The following CTNNA3 variants were observed in gnomAD, a reference collection of about 807,000 sequenced individuals.
The protein encoded by CTNNA3 is catenin alpha 3.
Under a neutral mutation model 95.7 loss-of-function variants are expected in CTNNA3, and 76 were observed. That is an observed-to-expected ratio of 0.79 (90% CI 0.66 to 0.96). The LOEUF is 0.96. Among genes scored for constraint, CTNNA3 ranks in the 40% least tolerant of loss-of-function variants. CTNNA3 has a pLI of 0.00. For missense variants in CTNNA3, 1,191 were observed against 1,089.8 expected (o/e 1.09, Z -1.31); for synonymous variants, 431 against 374.4 (o/e 1.15, Z -1.74).
intron 3 of CTNNA3, among the ~76,000 whole-genome samples, chr10:67,590,559 T>C (rs1413867973): frequency 6.6e-6 from 1 of 152,150 alleles, no homozygotes; most frequent in African/African-American, 2.4e-5. Context: ...CTTTCTAACA[T>C]ATGGTATTGT....
chr10:66,619,739 A>G (rs1291763660), intron 10 of CTNNA3, among the ~76,000 whole-genome samples: 1 of 151,786 alleles, frequency 6.6e-6, no homozygotes, highest in Non-Finnish European at 1.5e-5. Flanking sequence ...AAAGTAAAAA[A>G]TAAAAAAAAA....
At chr10:66,079,998 A>T (rs894009819) in intron 14 of CTNNA3, among the ~76,000 whole-genome samples, 18 of 152,004 alleles carry the variant, frequency 1.2e-4, no homozygotes, top group African/African-American at 4.3e-4. Context: ...TTTCTTTCTG[A>T]CTCCATTACT....
At chr10:67,260,797 G>A (rs747180858) in intron 5 of CTNNA3, among the ~76,000 whole-genome samples, 58 of 151,884 alleles carry the variant, frequency 3.8e-4, no homozygotes, top group Middle Eastern at 3.4e-3. Flanking sequence ...CGATTCTCTC[G>A]CCTCAGCCTC....
intron 7 of CTNNA3, among the ~76,000 whole-genome samples, chr10:66,891,388 T>C (rs1055548115): frequency 7.2e-5 from 11 of 152,200 alleles, no homozygotes; most frequent in African/African-American, 9.6e-5. Flanking sequence ...ACTCTCACTA[T>C]GGAAGGCCTC....
At chr10:67,157,695 T>C (rs866838335) in intron 7 of CTNNA3, among the ~76,000 whole-genome samples, 2 of 152,060 alleles carry the variant, frequency 1.3e-5, no homozygotes, top group Middle Eastern at 3.2e-3. Context: ...TAGCCCAGTC[T>C]CTAAATGTCA....
chr10:67,049,904 C>T (rs140515036), intron 7 of CTNNA3, among the ~76,000 whole-genome samples: 285 of 152,278 alleles, frequency 1.9e-3, no homozygotes, highest in African/African-American at 6.7e-3. Context: ...TTAGTCTTAG[C>T]ATATGCTGTG....
chr10:67,561,169 A>C (rs1436244988), intron 3 of CTNNA3, among the ~76,000 whole-genome samples: 1 of 144,986 alleles, frequency 6.9e-6, no homozygotes, highest in Admixed American at 6.7e-5. Context: ...CTCCACCCCA[A>C]ATCAACAGAA....
chr10:67,460,758 A>G (rs1329608873), intron 5 of CTNNA3, among the ~76,000 whole-genome samples: 3 of 152,158 alleles, frequency 2.0e-5, no homozygotes, highest in African/African-American at 7.2e-5. Flanking sequence ...TACAAATTTC[A>G]TTATGGAGGT....
intron 5 of CTNNA3, among the ~76,000 whole-genome samples, chr10:67,233,173 T>G (rs983696315): frequency 3.3e-5 from 5 of 152,222 alleles, no homozygotes; most frequent in African/African-American, 1.2e-4. Context: ...AATAGACATC[T>G]ACAGAACTCT....
intron 13 of CTNNA3, among the ~76,000 whole-genome samples, chr10:66,106,405 A>C (rs1003977026): frequency 6.6e-6 from 1 of 150,744 alleles, no homozygotes; most frequent in African/African-American, 2.4e-5. Context: ...TCTGTGAAAG[A>C]TTAACTATCT....
chr10:66,568,829 A>T (rs921644155), intron 10 of CTNNA3, among the ~76,000 whole-genome samples: 4 of 152,082 alleles, frequency 2.6e-5, no homozygotes, highest in African/African-American at 9.6e-5. Context: ...AGGACAATTT[A>T]CATACATGGG....
intron 5 of CTNNA3, among the ~76,000 whole-genome samples, chr10:67,487,216 T>A (rs951006111): frequency 6.6e-6 from 1 of 152,180 alleles, no homozygotes; most frequent in Non-Finnish European, 1.5e-5. Context: ...ATAGTTCAGT[T>A]AACAGCTAGA....
intron 9 of CTNNA3, among the ~76,000 whole-genome samples, chr10:66,736,958 T>A (rs1376902026): frequency 6.6e-6 from 1 of 152,194 alleles, no homozygotes; most frequent in Non-Finnish European, 1.5e-5. Context: ...TGAATTTAAT[T>A]TGGGATATAA....
At chr10:67,638,867 A>G (rs1839420217) in intron 2 of CTNNA3, among the ~76,000 whole-genome samples, 1 of 152,212 alleles carries the variant, frequency 6.6e-6, no homozygotes. Context: ...CAGTGTGTAG[A>G]GGGAAATTTA....
chr10:66,128,955 AAAAAAAC>A, intron 13 of CTNNA3, among the ~76,000 whole-genome samples: 1 of 151,550 alleles, frequency 6.6e-6, no homozygotes, highest in African/African-American at 2.4e-5. Flanking sequence ...TCTGTTTAAA[AAAAAAAC>A]AAAAAACAAA....
intron 1 of CTNNA3, among the ~76,000 whole-genome samples, chr10:67,666,003 TAAG>T (rs1454743349): frequency 6.6e-6 from 1 of 152,194 alleles, no homozygotes; most frequent in Non-Finnish European, 1.5e-5. Flanking sequence ...TCAGGTTACT[TAAG>T]AATATGCCTG....
intron 9 of CTNNA3, among the ~76,000 whole-genome samples, chr10:66,644,101 T>C (rs1045660763): frequency 6.6e-6 from 1 of 151,698 alleles, no homozygotes; most frequent in Non-Finnish European, 1.5e-5. Context: ...CTGCAAAAAA[T>C]ACAAAAATTA....
intron 11 of CTNNA3, among the ~76,000 whole-genome samples, chr10:66,429,665 C>T (rs1382931635): frequency 1.3e-5 from 2 of 152,122 alleles, no homozygotes; most frequent in African/African-American, 2.4e-5. Flanking sequence ...ATGATTATTT[C>T]GATAGATGCA....
At chr10:66,819,567 T>C (rs1267504544) in intron 7 of CTNNA3, among the ~76,000 whole-genome samples, 1 of 151,272 alleles carries the variant, frequency 6.6e-6, no homozygotes, top group East Asian at 1.9e-4. Flanking sequence ...ACACACAAAA[T>C]GGAAGAAAAA....
Sources: allele counts gnomAD v4.1 joint callset (sites outside exome capture counted in the v4.1 genomes callset), GRCh38; gene constraint gnomAD v4.1.1; transcripts MANE v1.5; gene names NCBI Gene and HGNC (gene_info 2026-07-23, HGNC 2026-07-21).